FUCA1: variants seen among roughly 807,000 people sequenced by gnomAD.
The protein encoded by FUCA1 is alpha-L-fucosidase 1.
FUCA1 carries 52 observed loss-of-function variants against 56.8 expected under a neutral mutation model. The ratio of observed to expected loss-of-function variants is 0.92; its 90% CI spans 0.73 to 1.15. FUCA1 has a LOEUF of 1.15. Ranked by LOEUF, FUCA1 falls within the 50% of genes most tolerant of loss-of-function variation. The pLI is 0.00. For missense variants in FUCA1, 568 were observed against 592.6 expected (o/e 0.96, Z 0.43); for synonymous variants, 230 against 226.6 (o/e 1.02, Z -0.14).
intron 4 of FUCA1, among the ~76,000 whole-genome samples, chr1:23,856,196 G>C (rs1441353342): frequency 2.0e-5 from 3 of 152,128 alleles, no homozygotes; most frequent in Non-Finnish European, 1.5e-5. Context: ...ACCTCACAGG[G>C]GTTTGAGAGG....
chr1:23,851,202 A>G (rs1248558986), intron 5 of FUCA1, among the ~76,000 whole-genome samples: 1 of 152,144 alleles, frequency 6.6e-6, no homozygotes, highest in Non-Finnish European at 1.5e-5. Context: ...TGTCTCTACT[A>G]AAAACACAAA....
chr1:23,858,568 G>A (rs548739767), intron 4 of FUCA1, among the ~76,000 whole-genome samples: 50 of 152,328 alleles, frequency 3.3e-4, no homozygotes, highest in African/African-American at 1.2e-3. Context: ...CTGCCTCATA[G>A]TGTTGATTAT....
chr1:23,852,689 G>C (rs1249930869), intron 5 of FUCA1, among the ~76,000 whole-genome samples: 4 of 152,138 alleles, frequency 2.6e-5, no homozygotes, highest in Non-Finnish European at 5.9e-5. Flanking sequence ...TGTTGGCCGG[G>C]CTGGTCTCCA....
chr1:23,859,243 C>T (rs1389321886), intron 4 of FUCA1, among the ~76,000 whole-genome samples: 1 of 152,034 alleles, frequency 6.6e-6, no homozygotes, highest in African/African-American at 2.4e-5. Context: ...AAATTTACCA[C>T]TGTTTAAACC....
At chr1:23,853,907 C>A (rs1342447970) in intron 5 of FUCA1, among the ~76,000 whole-genome samples, 3 of 150,372 alleles carry the variant, frequency 2.0e-5, no homozygotes, top group Middle Eastern at 3.5e-3. Context: ...ATCTCAAGTA[C>A]CCAGGGACAC....
rs1639642655 is a variant in FUCA1, at chr1:23,867,240, T to C, written c.389+658A>G. 6.6e-6 allele frequency among the ~76,000 whole-genome samples: 1 copy of C among 152,186 alleles called. No individual in the cohort carries two copies. Among genetic ancestry groups the C allele is most frequent in the Admixed American group, 6.6e-5 (1 of 15,264 alleles). ...CCTGCCTTGACAACTTCATGGGTCG[T>C]GGTCTCCCCTTATCCCCACCCCAGC... is the stretch of plus-strand genomic sequence containing the variant. On this transcript the variant is annotated intron_variant, in intron 1 of 7. Transcript: ENST00000374479. This position sits in a 1 kb window ranked among gnomAD's most constrained non-coding sequence, Gnocchi z 4.9.
intron 5 of FUCA1, among the ~76,000 whole-genome samples, chr1:23,851,709 G>A (rs1192220571): frequency 6.6e-6 from 1 of 152,150 alleles, no homozygotes; most frequent in Non-Finnish European, 1.5e-5. Flanking sequence ...CCTTTGCAGG[G>A]ACATGGATGA....
Position 23,854,511 on chromosome 1 carries a change from T to C in FUCA1, c.818A>G (p.His273Arg), listed in dbSNP as rs1297780077. The change falls in exon 5 of 8, where the codon CAT becomes CGT. Residue 273 changes from histidine to arginine, a missense_variant. Coordinates refer to ENST00000374479, the MANE Select transcript of FUCA1 (RefSeq NM_000147.5). The stretch of plus-strand genomic sequence containing the variant: ...ATCTTCACAGTTATAGTATCCTCCA[T>C]GGTGACAGGAACAGTTCTGACCCCA... ...DRWGQNCSCHHGGYYNCEDKF... is the reference protein window; with the variant it reads ...DRWGQNCSCHRGGYYNCEDKF... 5 of 1,614,082 alleles carry C rather than the reference T, an allele frequency of 3.1e-6. No homozygotes were observed. Among genetic ancestry groups the C allele is most frequent in the African/African-American group, 2.7e-5 (2 of 75,046 alleles).
At chr1:23,866,822 G>C (rs1201453915) in intron 1 of FUCA1, among the ~76,000 whole-genome samples, 1 of 152,214 alleles carries the variant, frequency 6.6e-6, no homozygotes, top group Admixed American at 6.5e-5. Flanking sequence ...GGCATGGAAA[G>C]AGGTTATCTC....
At chr1:23,847,882 C>T (rs922784454) in intron 6 of FUCA1, among the ~76,000 whole-genome samples, 3 of 152,140 alleles carry the variant, frequency 2.0e-5, no homozygotes, top group Middle Eastern at 3.4e-3. Context: ...ATTAGCTGGG[C>T]GTGGTGGCGG....
intron 4 of FUCA1, among the ~76,000 whole-genome samples, chr1:23,856,333 GGACA>G (rs1286022167): frequency 6.6e-6 from 1 of 152,028 alleles, no homozygotes; most frequent in Admixed American, 6.6e-5. Context: ...AGCCTGTCAA[GGACA>G]GACACAACCA....
chr1:23,850,316 CA>C (rs11425085), intron 5 of FUCA1, among the ~76,000 whole-genome samples: 40,656 of 129,126 alleles, frequency 0.31, 5,747 homozygotes, highest in Non-Finnish European at 0.33. Context: ...AATTCCATCT[CA>C]AAAAAAAAAA....
intron 4 of FUCA1, among the ~76,000 whole-genome samples, chr1:23,858,388 A>G (rs1639437774): frequency 6.6e-6 from 1 of 152,154 alleles, no homozygotes; most frequent in Non-Finnish European, 1.5e-5. Context: ...AGATTTATGA[A>G]CTACCAAGGT....
rs1372177894 is a variant in FUCA1 at position 23,848,723 on chromosome 1, C to T, written c.1086G>A (p.Leu362=). 1 of 1,614,206 alleles carries T rather than the reference C, an allele frequency of 6.2e-7. No homozygotes were observed. The highest frequency in any genetic ancestry group is 1.1e-5 in the South Asian group (1 of 91,080). ...CATAGATAGCCTCCCCATTGATGCTCAGCCATTTCCCAACAGCAAGAAGCC... is the reference window on the plus strand; with the variant it reads ...CATAGATAGCCTCCCCATTGATGCTTAGCCATTTCCCAACAGCAAGAAGCC... ...QERLLAVGKW[L]SINGEAIYAS... The change falls in exon 6 of 8, where the codon CTG becomes CTA. Residue 362 remains leucine (L), a synonymous_variant. Coordinates refer to ENST00000374479, the MANE Select transcript of FUCA1 (RefSeq NM_000147.5).
intron 3 of FUCA1, among the ~76,000 whole-genome samples, chr1:23,862,682 C>A (rs563469192): frequency 6.6e-6 from 1 of 152,316 alleles, no homozygotes; most frequent in South Asian, 2.1e-4. Flanking sequence ...GTGACAGATA[C>A]ATTTCACATA....
intron 6 of FUCA1, 101 bp from the exon 7 acceptor site, chr1:23,846,274 T>TA: frequency 1.0e-5 from 8 of 801,864 alleles, no homozygotes; most frequent in Non-Finnish European, 1.4e-5. Flanking sequence ...TCTTTTCTTT[T>TA]CTTTTTTTTT....
intron 5 of FUCA1, among the ~76,000 whole-genome samples, chr1:23,852,245 A>G (rs912298589): frequency 6.6e-6 from 1 of 151,786 alleles, no homozygotes. Flanking sequence ...ACATAGCAAG[A>G]CCCTGTCTCT....
At chr1:23,855,724 G>T (rs1435584925) in intron 4 of FUCA1, among the ~76,000 whole-genome samples, 1 of 152,064 alleles carries the variant, frequency 6.6e-6, no homozygotes, top group Non-Finnish European at 1.5e-5. Flanking sequence ...CAATGTCTGG[G>T]CATCATGGGT....
intron 7 of FUCA1, 52 bp from the exon 8 acceptor site, chr1:23,845,907 A>T (rs755434965): frequency 6.2e-7 from 1 of 1,609,368 alleles, no homozygotes; most frequent in Non-Finnish European, 8.5e-7. Flanking sequence ...TAATGAGTAT[A>T]GAATACAGGC....
Sources: allele counts gnomAD v4.1 joint callset (sites outside exome capture counted in the v4.1 genomes callset), GRCh38; gene constraint gnomAD v4.1.1; non-coding constraint Gnocchi (gnomAD v3.1); transcripts MANE v1.5; gene names NCBI Gene and HGNC (gene_info 2026-07-23, HGNC 2026-07-21).